Variants in FAM13B observed in about 807,000 individuals in gnomAD.
The protein encoded by FAM13B is protein FAM13B.
In FAM13B, 60 loss-of-function variants were observed where a neutral mutation model predicts 117.3. The ratio of observed to expected loss-of-function variants is 0.51; its 90% CI spans 0.42 to 0.63. FAM13B has a LOEUF of 0.63. FAM13B is among the 30% of genes least tolerant of loss of function. The probability of loss-of-function intolerance (pLI) is 0.00; values close to 1 mark genes in which losing one functional copy is unlikely to be tolerated. For missense variants in FAM13B, 972 were observed against 1,091.9 expected (o/e 0.89, Z 1.55); for synonymous variants, 332 against 356.1 (o/e 0.93, Z 0.76).
chr5:137,940,175 C>T lies in FAM13B; in HGVS notation c.*50G>A. 2 of 1,613,342 alleles carry T rather than the reference C, an allele frequency of 1.2e-6. No individual in the cohort carries two copies. The highest frequency in any genetic ancestry group is 1.1e-5 in the South Asian group (1 of 91,070). On this transcript the variant is annotated 3_prime_UTR_variant, in exon 24 of 24. Coordinates refer to ENST00000689681, the MANE Select transcript of FAM13B (RefSeq NM_001385994.1). ...ACCAGCCAAGTACACACGATGATAG[C>T]TTCAAGGAATACAACTGACTTTATG...
At chr5:137,955,290 CTAAT>C (rs759160408) in intron 14 of FAM13B, among the ~76,000 whole-genome samples, 12 of 152,186 alleles carry the variant, frequency 7.9e-5, no homozygotes, top group Non-Finnish European at 1.0e-4. Flanking sequence ...AAAGGAGGAG[CTAAT>C]TCACCTGACA....
chr5:138,049,904 T>A (rs908983410), intron 1 of FAM13B, among the ~76,000 whole-genome samples: 2 of 152,134 alleles, frequency 1.3e-5, no homozygotes, highest in South Asian at 2.1e-4. Context: ...AGTGGAAGGA[T>A]TGCCTGAGAC....
At chr5:137,968,155 G>C (rs983835168) in intron 10 of FAM13B, among the ~76,000 whole-genome samples, 19 of 149,458 alleles carry the variant, frequency 1.3e-4, no homozygotes, top group African/African-American at 4.7e-4. Context: ...CCGGGAGGCA[G>C]AGGTTGCAGT....
At chr5:137,976,023 T>A (rs1773866376) in intron 10 of FAM13B, among the ~76,000 whole-genome samples, 1 of 131,542 alleles carries the variant, frequency 7.6e-6, no homozygotes, top group Non-Finnish European at 1.5e-5. Flanking sequence ...TTGCCCAGGC[T>A]GGAGTGCAGT....
At chr5:138,017,617 C>T (rs550959948) in intron 4 of FAM13B, among the ~76,000 whole-genome samples, 1 of 152,102 alleles carries the variant, frequency 6.6e-6, no homozygotes, top group African/African-American at 2.4e-5. Context: ...TACATGAATA[C>T]CATTTGGCTC....
At chr5:137,999,769 G>T (rs1400801916) in intron 7 of FAM13B, among the ~76,000 whole-genome samples, 1 of 152,184 alleles carries the variant, frequency 6.6e-6, no homozygotes. Context: ...AGCAGATTCA[G>T]TGTCTGATGA....
intron 1 of FAM13B, among the ~76,000 whole-genome samples, chr5:138,044,870 CAT>C (rs1253566611): frequency 1.3e-5 from 2 of 152,162 alleles, no homozygotes; most frequent in Non-Finnish European, 2.9e-5. Flanking sequence ...ATGGCCAACA[CAT>C]GTATGAAAAA....
intron 1 of FAM13B, among the ~76,000 whole-genome samples, chr5:138,024,706 T>C (rs530396009): frequency 1.3e-5 from 2 of 151,696 alleles, no homozygotes; most frequent in Non-Finnish European, 2.9e-5. Flanking sequence ...AATAAAAGGA[T>C]TGACACAAGA....
intron 10 of FAM13B, among the ~76,000 whole-genome samples, chr5:137,984,266 T>C (rs984240501): frequency 6.6e-6 from 1 of 152,204 alleles, no homozygotes; most frequent in Non-Finnish European, 1.5e-5. Context: ...TACCCTTTTA[T>C]AAAAGAAATT....
At chr5:138,040,751 T>A (rs1791475902) in intron 1 of FAM13B, among the ~76,000 whole-genome samples, 1 of 151,460 alleles carries the variant, frequency 6.6e-6, no homozygotes, top group Non-Finnish European at 1.5e-5. Flanking sequence ...AGAAAGGGGA[T>A]CTTAAAATTA....
At chr5:137,995,887 T>C (rs1779740300) in intron 7 of FAM13B, among the ~76,000 whole-genome samples, 1 of 152,224 alleles carries the variant, frequency 6.6e-6, no homozygotes, top group Non-Finnish European at 1.5e-5. Context: ...ACCCAGAGCA[T>C]AAATTCTACT....
chr5:137,956,326 G>A (rs1370970075), intron 14 of FAM13B, 151 bp downstream of exon 14: 1 of 417,436 alleles, frequency 2.4e-6, no homozygotes, highest in African/African-American at 2.0e-5. Flanking sequence ...TTTAAGAAAA[G>A]ACAAAAGTAA....
rs971047029 is a variant in FAM13B at position 137,970,777 on chromosome 5, A to C, written c.1180-8308T>G. Among the ~76,000 whole-genome samples the C allele has an allele frequency of 8.2e-4, 125 of 152,272 alleles. 1 individual carries two copies. The highest frequency in any genetic ancestry group is 2.7e-3 in the East Asian group (14 of 5,182). On this transcript the variant is annotated intron_variant, in intron 10 of 23. Coordinates refer to ENST00000689681, the MANE Select transcript of FAM13B (RefSeq NM_001385994.1). ...AAGGATGGAGGAAGATCTACCAAGC[A>C]AATGGAAAACAAAAAAAGGCAGGGG...
rs36001323 is a variant in FAM13B at position 138,026,938 on chromosome 5, CAAATAAATAAATAAAT to C, written c.-202-5757_-202-5742del. ...TGGGCAACAAAGAAAGACTCCATCT[CAAATAAATAAATAAAT>C]AAATAAATAAATAAATAAATAAATA... On this transcript the variant is annotated intron_variant, in intron 1 of 23. Transcript: ENST00000689681. Among the ~76,000 whole-genome samples, 168 of 137,426 alleles carry C rather than the reference CAAATAAATAAATAAAT, an allele frequency of 1.2e-3. 1 individual carries two copies. Among genetic ancestry groups the C allele is most frequent in the Admixed American group, 4.4e-3 (59 of 13,428 alleles). The allele number at this position is 137,426 out of a possible 152,430, so 90.2% of individuals were successfully genotyped here.
chr5:137,977,035 CTT>C (rs1475251940), intron 10 of FAM13B, among the ~76,000 whole-genome samples: 20 of 152,118 alleles, frequency 1.3e-4, no homozygotes, highest in Admixed American at 1.3e-3. Context: ...TCGCTGAATT[CTT>C]TTTCTCAGCA....
chr5:137,947,875 G>A (rs1056688478), intron 18 of FAM13B, among the ~76,000 whole-genome samples: 4 of 152,062 alleles, frequency 2.6e-5, no homozygotes, highest in African/African-American at 4.8e-5. Context: ...GTGAGGCACC[G>A]CGCCTGGCCA....
At chr5:138,007,896 T>C (rs1369767823) in intron 6 of FAM13B, among the ~76,000 whole-genome samples, 1 of 152,252 alleles carries the variant, frequency 6.6e-6, no homozygotes, top group Non-Finnish European at 1.5e-5. Flanking sequence ...TTGCTTAATA[T>C]AAACTAATAC....
chr5:138,051,324 T>C lies in FAM13B; in HGVS notation c.-203+554A>G, dbSNP rs538744218. Reference sequence around the variant, plus strand: ...TGTATATTTGTGTAGAACAGATTCCTGGAAACAAAATTGTTTAGAATTAAA... The same window carrying C: ...TGTATATTTGTGTAGAACAGATTCCCGGAAACAAAATTGTTTAGAATTAAA... On this transcript the variant is annotated intron_variant, in intron 1 of 3. Transcript: ENST00000502471. 2.0e-5 allele frequency among the ~76,000 whole-genome samples: 3 copies of C among 152,342 alleles called. No individual in the cohort carries two copies. The South Asian group carries it at 6.2e-4, about 32-fold the overall frequency.
intron 7 of FAM13B, among the ~76,000 whole-genome samples, chr5:137,996,885 G>A (rs1474384748): frequency 6.6e-6 from 1 of 152,134 alleles, no homozygotes; most frequent in Admixed American, 6.5e-5. Flanking sequence ...GAGCCACTGA[G>A]CCCAGCCCAA....
Sources: gnomAD v4.1 joint callset for allele counts (sites outside exome capture counted in the v4.1 genomes callset) on GRCh38, gnomAD v4.1.1 for gene constraint, MANE v1.5 for transcripts, NCBI Gene and HGNC (gene_info 2026-07-23, HGNC 2026-07-21) for gene names.